The following ARAP2 variants were observed in gnomAD, a reference collection of about 807,000 sequenced individuals.
ARAP2 encodes the protein ArfGAP with RhoGAP domain, ankyrin repeat and PH domain 2, also known as arf-GAP with Rho-GAP domain, ANK repeat and PH domain-containing protein 2.
In ARAP2, 148 loss-of-function variants were observed where a neutral mutation model predicts 194.5. The ratio of observed to expected loss-of-function variants is 0.76; its 90% CI spans 0.67 to 0.87. The LOEUF (loss-of-function observed/expected upper bound fraction) is 0.87, where lower values mean the gene tolerates loss of function less well. ARAP2 is among the 40% of genes least tolerant of loss of function. The pLI is 0.00. For missense variants in ARAP2, 2,128 were observed against 1,989.7 expected, an observed-to-expected ratio of 1.07 and a Z score of -1.32; for synonymous variants, 695 against 683.5, an observed-to-expected ratio of 1.02 and a Z score of -0.26.
At position 36,046,622 on chromosome 4, in the gene ARAP2, G is replaced by A. The variant is rs1177575197; in HGVS notation, n.509+88C>T. On this transcript the variant is annotated intron_variant and non_coding_transcript_variant, in intron 4 of 12. Coordinates refer to the ARAP2 transcript ENST00000503225. ...TTTGAAGTGCTGTAGAAAATTAAAG[G>A]CTATCATCCCCAAAAGTTGTATGTA... The A allele has an allele frequency of 2.0e-5, 3 of 152,142 alleles. No homozygotes were observed. The East Asian group carries it at 5.8e-4, about 29-fold the overall frequency. 9.4% of individuals were successfully genotyped at this position (152,142 alleles called of 1,614,324 possible). A position where few individuals can be genotyped will look rare whatever the true frequency, so the allele number is the denominator to read the frequency against.
intron 19 of ARAP2, among the ~76,000 whole-genome samples, chr4:36,139,803 T>C (rs368055473): frequency 3.3e-5 from 5 of 151,690 alleles, no homozygotes; most frequent in African/African-American, 9.7e-5. Flanking sequence ...GTATGGCTTA[T>C]TTGGAAGCAT....
intron 31 of ARAP2, 69 bp downstream of exon 31, chr4:36,080,147 C>T: frequency 7.8e-7 from 1 of 1,288,196 alleles, no homozygotes; most frequent in Non-Finnish European, 1.1e-6. Context: ...TTAGAAATCA[C>T]CATCACACTA....
chr4:36,161,591 T>C (rs763541969), intron 11 of ARAP2, 41 bp from the exon 12 acceptor site: 14 of 1,512,720 alleles, frequency 9.3e-6, no homozygotes, highest in Admixed American at 1.7e-5. Context: ...TTAATTTGTA[T>C]GTAAATTTAT....
At chr4:36,017,892 G>A (rs1019772274) in intron 6 of ARAP2, among the ~76,000 whole-genome samples, 6 of 151,992 alleles carry the variant, frequency 3.9e-5, no homozygotes, top group Non-Finnish European at 5.9e-5. Context: ...GACAGTGACT[G>A]GAAATAATAA....
At position 36,228,627 on chromosome 4, in the gene ARAP2, C is replaced by G. The variant is rs966987664; in HGVS notation, c.860G>C (p.Arg287Pro). ...TGACCCTGGAATCTCTGGTACAGGT[C>G]GATGTCTTAGCAGAAAAGATCGAGA... Reference protein sequence around the residue: ...RPSRSFLLRHRPVPEIPGSTK... With the variant: ...RPSRSFLLRHPPVPEIPGSTK... Residue 287 changes from arginine (R) to proline (P), a missense_variant, in exon 2 of 33, where the codon CGA becomes CCA. Arg to Pro is a moderately radical substitution (Grantham distance 103). Coordinates refer to ENST00000303965, the MANE Select transcript of ARAP2 (RefSeq NM_015230.4). The G allele has an allele frequency of 1.2e-6, 2 of 1,613,576 alleles. No individual in the cohort carries two copies. The highest frequency in any genetic ancestry group is 3.3e-5 in the Admixed American group (2 of 59,952).
chr4:36,132,600 A>T (rs1308375144), intron 20 of ARAP2, among the ~76,000 whole-genome samples: 1 of 151,784 alleles, frequency 6.6e-6, no homozygotes, highest in Non-Finnish European at 1.5e-5. Context: ...AGAACAGAGG[A>T]TATCTTTCAG....
At chr4:36,034,468 G>A (rs1719567727) in intron 5 of ARAP2, among the ~76,000 whole-genome samples, 1 of 152,146 alleles carries the variant, frequency 6.6e-6, no homozygotes, top group Non-Finnish European at 1.5e-5. Flanking sequence ...GTATAGGAAT[G>A]CTAGTGATTT....
At chr4:36,119,762 G>A (rs1448912338) in intron 23 of ARAP2, 44 bp from the exon 24 acceptor site, 15 of 1,340,288 alleles carry the variant, frequency 1.1e-5, no homozygotes, top group African/African-American at 4.4e-5. Flanking sequence ...TGTAGAATAC[G>A]AAGAGTGATG....
At chr4:36,206,277 T>C (rs948981924) in intron 6 of ARAP2, among the ~76,000 whole-genome samples, 6 of 152,246 alleles carry the variant, frequency 3.9e-5, no homozygotes, top group African/African-American at 1.4e-4. Context: ...TGCCAGTCGT[T>C]GTCTGAGCTC....
intron 1 of ARAP2, chr4:36,243,976 T>C (rs928119444): frequency 6.6e-6 from 1 of 152,264 alleles, no homozygotes; most frequent in African/African-American, 2.4e-5. Context: ...GTGGAGTTCT[T>C]GGATCACTTA....
intron 9 of ARAP2, among the ~76,000 whole-genome samples, chr4:36,169,395 G>C (rs1321632127): frequency 1.3e-5 from 2 of 152,116 alleles, no homozygotes; most frequent in Non-Finnish European, 2.9e-5. Context: ...CCTCATCAAG[G>C]CTCCTGCATG....
chr4:36,136,047 G>T (rs1010217341), intron 19 of ARAP2, among the ~76,000 whole-genome samples: 1 of 151,732 alleles, frequency 6.6e-6, no homozygotes, highest in African/African-American at 2.4e-5. Flanking sequence ...TTGTCAAAGG[G>T]CGAATCCTAA....
intron 6 of ARAP2, among the ~76,000 whole-genome samples, chr4:36,209,766 A>G (rs1746331848): frequency 6.6e-6 from 1 of 152,216 alleles, no homozygotes; most frequent in Admixed American, 6.5e-5. Flanking sequence ...AACAATTCTA[A>G]TTAAATATAA....
chr4:36,176,101 A>T (rs1737849212), intron 9 of ARAP2, among the ~76,000 whole-genome samples: 1 of 152,148 alleles, frequency 6.6e-6, no homozygotes, highest in Non-Finnish European at 1.5e-5. Flanking sequence ...TTCAACCTAG[A>T]CTTTAAAAAG....
At chr4:36,131,604 T>C (rs1018347504) in intron 20 of ARAP2, among the ~76,000 whole-genome samples, 4 of 151,652 alleles carry the variant, frequency 2.6e-5, no homozygotes, top group Non-Finnish European at 5.9e-5. Context: ...GCTGAGTTAT[T>C]TTAAACTTAA....
Position 36,193,650 on chromosome 4 carries a change from G to A in ARAP2, c.1488-3C>T, listed in dbSNP as rs1202018230. The A allele has an allele frequency of 6.3e-7, 1 of 1,596,972 alleles. No individual in the cohort carries two copies. On this transcript the variant is annotated splice_region_variant and splice_polypyrimidine_tract_variant and intron_variant, in intron 6 of 32. Coordinates refer to ENST00000303965, the MANE Select transcript of ARAP2 (RefSeq NM_015230.4). ...ATCTCTTTTGAAACATGCGTTTTCTGCAAAACATATGAAATTGTTATTTTA... is the reference window on the plus strand; with the variant it reads ...ATCTCTTTTGAAACATGCGTTTTCTACAAAACATATGAAATTGTTATTTTA...
chr4:36,183,272 T>C (rs867492077), intron 8 of ARAP2, among the ~76,000 whole-genome samples: 6 of 135,180 alleles, frequency 4.4e-5, no homozygotes, highest in Non-Finnish European at 6.3e-5. Context: ...GGCATTCTTA[T>C]GTTCTTTTTA....
chr4:36,212,305 CT>C (rs1746933186), intron 5 of ARAP2, 90 bp downstream of exon 5: 2 of 1,093,976 alleles, frequency 1.8e-6, no homozygotes, highest in African/African-American at 1.6e-5. Flanking sequence ...ACTATTTTCT[CT>C]GACACACAAT....
chr4:36,192,293 C>A (rs1209045094), intron 7 of ARAP2, among the ~76,000 whole-genome samples: 1 of 148,090 alleles, frequency 6.8e-6, no homozygotes, highest in East Asian at 2.0e-4. Context: ...TTTGCAATAT[C>A]TCATTTTTAT....
Sources: allele counts gnomAD v4.1 joint callset (sites outside exome capture counted in the v4.1 genomes callset), GRCh38; gene constraint gnomAD v4.1.1; transcripts MANE v1.5; gene names NCBI Gene and HGNC (gene_info 2026-07-23, HGNC 2026-07-21).